SENP3: variants seen among roughly 807,000 people sequenced by gnomAD.
SENP3 encodes the protein sentrin-specific protease 3.
In SENP3, 11 loss-of-function variants were observed where a neutral mutation model predicts 66.2. The observed-to-expected ratio is 0.17, with a 90% CI of 0.10 to 0.28. The LOEUF (loss-of-function observed/expected upper bound fraction) is 0.28. Among genes scored for constraint, SENP3 ranks in the 10% least tolerant of loss-of-function variants. SENP3 has a pLI of 1.00. For missense variants in SENP3, 548 were observed against 743.7 expected, an observed-to-expected ratio of 0.74 and a Z score of 3.06; for synonymous variants, 292 against 277.6, an observed-to-expected ratio of 1.05 and a Z score of -0.52.
intron 7 of SENP3, among the ~76,000 whole-genome samples, chr17:7,569,790 A>G (rs2071298012): frequency 1.3e-5 from 2 of 152,096 alleles, no homozygotes; most frequent in East Asian, 1.9e-4. Flanking sequence ...CCAAGCTGCA[A>G]TTTCCTCATC....
intron 10 of SENP3, 32 bp from the exon 11 acceptor site, chr17:7,571,341 G>T (rs750041387): frequency 2.2e-5 from 32 of 1,478,206 alleles, no homozygotes; most frequent in Non-Finnish European, 2.9e-5. Context: ...TGACACGGGG[G>T]GTTTCTCATG....
At chr17:7,564,356 C>A (rs2071250430) in intron 2 of SENP3, 3 of 600,336 alleles carry the variant, frequency 5.0e-6, no homozygotes, top group South Asian at 1.7e-5. Flanking sequence ...TGACAAATAT[C>A]CCGAAGTTTT....
At chr17:7,566,687 C>T (rs550943565) in intron 6 of SENP3, among the ~76,000 whole-genome samples, 6 of 148,766 alleles carry the variant, frequency 4.0e-5, no homozygotes, top group African/African-American at 1.5e-4. Context: ...AAAAAAAAGC[C>T]TGGTTTGTTG....
At chr17:7,563,904 G>C in intron 2 of SENP3, 113 bp downstream of exon 2, 2 of 918,188 alleles carry the variant, frequency 2.2e-6, no homozygotes, top group Non-Finnish European at 3.2e-6. Context: ...AAAGTAGGAT[G>C]GAAGAGTGCC....
intron 7 of SENP3, among the ~76,000 whole-genome samples, chr17:7,569,881 C>T (rs2071298851): frequency 6.6e-6 from 1 of 152,142 alleles, no homozygotes; most frequent in Non-Finnish European, 1.5e-5. Context: ...GTGTCTTGTT[C>T]TAAGTGTATT....
intron 7 of SENP3, among the ~76,000 whole-genome samples, chr17:7,567,497 C>A (rs560540353): frequency 6.9e-6 from 1 of 145,510 alleles, no homozygotes; most frequent in South Asian, 2.2e-4. Flanking sequence ...CCAGCCTGGG[C>A]AACAAGAGCA....
chr17:7,571,586 T>G lies in SENP3; in HGVS notation c.*103T>G. ...TCCTCTCTTGCCTCTTCCCACTCAC[T>G]TCCCTTTGGTTTTTCATATTTAAAT... On this transcript the variant is annotated 3_prime_UTR_variant, in exon 11 of 11. Transcript: ENST00000321337. 1 of 706,434 alleles carries G rather than the reference T, an allele frequency of 1.4e-6. No individual in the cohort carries two copies. Among genetic ancestry groups the G allele is most frequent in the Non-Finnish European group, 2.4e-6 (1 of 410,634 alleles). The allele number at this position is 706,434 out of a possible 1,614,324, so 43.8% of individuals were successfully genotyped here. A position where few individuals can be genotyped will look rare whatever the true frequency, so the allele number is the denominator to read the frequency against.
chr17:7,565,213 A>G (rs1292589407), intron 4 of SENP3, 143 bp downstream of exon 4: 1 of 807,816 alleles, frequency 1.2e-6, no homozygotes, highest in Non-Finnish European at 2.0e-6. Context: ...CAGGTGCCAA[A>G]TCCTTGGAAG....
chr17:7,563,026 T>G (rs1597837693), intron 1 of SENP3, 40 bp from the exon 2 acceptor site: 6 of 1,402,240 alleles, frequency 4.3e-6, no homozygotes, highest in East Asian at 2.7e-5. Flanking sequence ...TGCGGTGGGG[T>G]GATGCTTAGA....
Position 7,563,550 on chromosome 17 carries a change from G to A in SENP3, c.474G>A (p.Arg158=). 2 of 1,549,724 alleles carry A rather than the reference G, an allele frequency of 1.3e-6. No homozygotes were observed. Residue 158 remains arginine, a synonymous_variant, in exon 2 of 11, where the codon CGG becomes CGA. Coordinates refer to ENST00000321337, the MANE Select transcript of SENP3 (RefSeq NM_015670.6). ...TTTGGGGGCGCCACCGGGGCCGGCG[G>A]CGGGGCCTCGCACACCCCAAGAACC... ...WKLWGRHRGR[R]RGLAHPKNHL...
chr17:7,565,154 C>T, intron 4 of SENP3, 84 bp downstream of exon 4: 1 of 1,091,808 alleles, frequency 9.2e-7, no homozygotes, highest in Non-Finnish European at 1.4e-6. Context: ...TTCCATAGGG[C>T]TGTAGTTGGG....
chr17:7,570,299 A>C lies in SENP3; in HGVS notation c.1342-57A>C, dbSNP rs535098130. 4.5e-5 allele frequency: 71 copies of C among 1,587,714 alleles called. 1 individual carries two copies. In the South Asian group the frequency reaches 7.1e-4, roughly 16 times the overall value. On this transcript the variant is annotated intron_variant, in intron 7 of 10. Coordinates refer to ENST00000321337, the MANE Select transcript of SENP3 (RefSeq NM_015670.6). This position sits in a 1 kb window ranked among gnomAD's most constrained non-coding sequence, Gnocchi z 5.4. The stretch of plus-strand genomic sequence containing the variant: ...GTCTCTGTTCCTCTCTAGAACCTTC[A>C]TGGCAAAAGGCAAGACTTCTGTTTG...
chr17:7,565,086 C>A lies in SENP3; in HGVS notation c.1067+16C>A. The A allele has an allele frequency of 6.4e-7, 1 of 1,571,424 alleles. No individual in the cohort carries two copies. Among genetic ancestry groups the A allele is most frequent in the East Asian group, 2.2e-5 (1 of 44,560 alleles). ...CCCCTTCCAGGTGAGGCTTGAAAGC[C>A]CTCCTTGAAAGAAGGGCTGGGGCCT... On this transcript the variant is annotated intron_variant, in intron 4 of 10. Transcript: ENST00000321337.
chr17:7,569,114 G>A lies in SENP3; in HGVS notation c.1342-1242G>A, dbSNP rs149219551. ...GAAGATTTGTTTTTTTGCCGGGCGC[G>A]GTGGCTCACGCCTGTAATCCCAGCC... On this transcript the variant is annotated intron_variant, in intron 7 of 10. Coordinates refer to ENST00000321337, the MANE Select transcript of SENP3 (RefSeq NM_015670.6). Among the ~76,000 whole-genome samples the A allele has an allele frequency of 3.3e-5, 5 of 152,252 alleles. No individual in the cohort carries two copies. The East Asian group carries it at 7.7e-4, about 23-fold the overall frequency.
At chr17:7,567,123 C>G in intron 7 of SENP3, 119 bp downstream of exon 7, 1 of 764,682 alleles carries the variant, frequency 1.3e-6, no homozygotes, top group Non-Finnish European at 2.3e-6. Flanking sequence ...TTAAACGTCT[C>G]TTGTGTGTGT....
chr17:7,570,991 G>T lies in SENP3; in HGVS notation c.1614+58G>T. On this transcript the variant is annotated intron_variant, in intron 10 of 10. Coordinates refer to ENST00000321337, the MANE Select transcript of SENP3 (RefSeq NM_015670.6). The surrounding 1 kb of genome is among the most constrained non-coding windows in gnomAD (Gnocchi z 5.4). ...CTGAAGTCAGTTGGGTTAAAGGGTCGGGAGGCTGTTATGCATCCCCTCATT... is the reference window on the plus strand; with the variant it reads ...CTGAAGTCAGTTGGGTTAAAGGGTCTGGAGGCTGTTATGCATCCCCTCATT... 6.6e-7 allele frequency: 1 copy of T among 1,505,140 alleles called. No homozygotes were observed. Among genetic ancestry groups the T allele is most frequent in the East Asian group, 2.3e-5 (1 of 43,738 alleles). 93.2% of individuals were successfully genotyped at this position (1,505,140 alleles called of 1,614,324 possible). A position where few individuals can be genotyped will look rare whatever the true frequency, so the allele number is the denominator to read the frequency against.
chr17:7,568,685 G>A (rs1432798668), intron 7 of SENP3, among the ~76,000 whole-genome samples: 1 of 151,778 alleles, frequency 6.6e-6, no homozygotes, highest in African/African-American at 2.4e-5. Flanking sequence ...GCCTCTTCCC[G>A]GTACCTTTCC....
chr17:7,562,179 C>CCGCCGT lies in SENP3; in HGVS notation c.-90_-85dup, dbSNP rs1041714133. 21 of 398,264 alleles carry CCGCCGT rather than the reference C, an allele frequency of 5.3e-5. No individual in the cohort carries two copies. The highest frequency in any genetic ancestry group is 3.3e-4 in the African/African-American group (16 of 48,620). The allele number at this position is 398,264 out of a possible 1,614,324, so 24.7% of individuals were successfully genotyped here. ...AAAGACAGCAGGAGTGGCGGGGCCG[C>CCGCCGT]CGCCGTCGCCGGAGAGATGAGCCGG... On this transcript the variant is annotated 5_prime_UTR_variant, in exon 1 of 11. Transcript: ENST00000321337. The surrounding 1 kb of genome is among the most constrained non-coding windows in gnomAD (Gnocchi z 5.0).
Position 7,563,434 on chromosome 17 carries a change from A to G in SENP3, c.358A>G (p.Lys120Glu). The change falls in exon 2 of 11, where the codon AAA (lysine) becomes GAA (glutamate). Residue 120 changes from lysine (K) to glutamate (E), a missense_variant. Physicochemically the swap from Lys to Glu is moderately conservative, Grantham distance 56. Around this residue, in one of 6 missense-constraint regions of SENP3, gnomAD observed 164 missense variants for 167.9 expected, o/e 0.98. Coordinates refer to ENST00000321337, the MANE Select transcript of SENP3 (RefSeq NM_015670.6). ...CCGCCCTTCCCGCCCCACTCATCGAAAAACCTGCTCACAGCGCCGCCGCCG... is the reference window on the plus strand; with the variant it reads ...CCGCCCTTCCCGCCCCACTCATCGAGAAACCTGCTCACAGCGCCGCCGCCG... ...RPRPSRPTHR[K>E]TCSQRRRRAM... The G allele has an allele frequency of 1.3e-6, 2 of 1,486,174 alleles. No homozygotes were observed. Among genetic ancestry groups the G allele is most frequent in the Admixed American group, 2.0e-5 (1 of 49,538 alleles). The allele number at this position is 1,486,174 out of a possible 1,614,324, so 92.1% of individuals were successfully genotyped here. A position where few individuals can be genotyped will look rare whatever the true frequency, so the allele number is the denominator to read the frequency against.
Sources: allele counts gnomAD v4.1 joint callset (sites outside exome capture counted in the v4.1 genomes callset), GRCh38; gene constraint gnomAD v4.1.1; regional missense constraint gnomAD v4.1.1; non-coding constraint Gnocchi (gnomAD v3.1); transcripts MANE v1.5; gene names NCBI Gene and HGNC (gene_info 2026-07-23, HGNC 2026-07-21).